MARVELD2: variants seen among roughly 807,000 people sequenced by gnomAD.
MARVELD2 encodes MARVEL domain containing 2, also known as MARVEL domain-containing protein 2.
Under a neutral mutation model 57.6 loss-of-function variants are expected in MARVELD2, and 49 were observed. The ratio of observed to expected loss-of-function variants is 0.85; its 90% CI spans 0.68 to 1.08. The LOEUF (loss-of-function observed/expected upper bound fraction) is 1.08, where lower values mean the gene tolerates loss of function less well. MARVELD2 is among the 50% of genes least tolerant of loss of function. The pLI is 0.00. For missense variants in MARVELD2, 606 were observed against 701.1 expected (o/e 0.86, Z 1.53); for synonymous variants, 238 against 258.8 (o/e 0.92, Z 0.77).
Position 69,425,174 on chromosome 5 carries a change from CAT to C in MARVELD2, c.1182+540_1182+541del, listed in dbSNP as rs904156232. The stretch of plus-strand genomic sequence containing the variant: ...AAACCAAACACCACATATTCTCACT[CAT>C]AGGTGGGAATTGAACAATGAGATCA... On this transcript the variant is annotated intron_variant, in intron 3 of 6. Transcript: ENST00000325631. Among the ~76,000 whole-genome samples, 4 of 145,434 alleles carry C rather than the reference CAT, an allele frequency of 2.8e-5. No homozygotes were observed. In the Admixed American group the frequency reaches 2.9e-4, roughly 10 times the overall value.
chr5:69,418,481 C>T (rs750401409), intron 1 of MARVELD2, among the ~76,000 whole-genome samples: 2 of 152,172 alleles, frequency 1.3e-5, no homozygotes, highest in Non-Finnish European at 2.9e-5. Context: ...CAGTAAATCA[C>T]CTGAATTGCC....
At chr5:69,421,794 CT>C (rs1409875482) in intron 2 of MARVELD2, among the ~76,000 whole-genome samples, 333 of 132,860 alleles carry the variant, frequency 2.5e-3, no homozygotes, top group Middle Eastern at 4.1e-3. Context: ...TCTTTTCTTT[CT>C]TTTTTTTTTT....
At chr5:69,418,585 T>A (rs1048410576) in intron 1 of MARVELD2, among the ~76,000 whole-genome samples, 3 of 152,130 alleles carry the variant, frequency 2.0e-5, no homozygotes, top group African/African-American at 7.2e-5. Context: ...GAGATTCAAC[T>A]TTTTTACATC....
chr5:69,440,512 A>G lies in MARVELD2; in HGVS notation c.1554+12A>G. The G allele has an allele frequency of 4.3e-6, 6 of 1,385,758 alleles. No homozygotes were observed. Among genetic ancestry groups the G allele is most frequent in the Non-Finnish European group, 5.1e-6 (5 of 976,336 alleles). The allele number at this position is 1,385,758 out of a possible 1,614,324, so 85.8% of individuals were successfully genotyped here. A position where few individuals can be genotyped will look rare whatever the true frequency, so the allele number is the denominator to read the frequency against. The stretch of plus-strand genomic sequence containing the variant: ...AGAAAAAAAAGAATGTGAGTAAAAC[A>G]GTTTTCTTCAAACTGTATTCTTATC... On this transcript the variant is annotated intron_variant, in intron 6 of 6. Transcript: ENST00000325631.
rs540589161 is a variant in MARVELD2 at position 69,425,357 on chromosome 5, C to T, written c.1182+721C>T. On this transcript the variant is annotated intron_variant, in intron 3 of 6. Coordinates refer to ENST00000325631, the MANE Select transcript of MARVELD2 (RefSeq NM_001038603.3). ...CATGTATACATATGTGACTAACCTGCACAATGTGCACATGTTCCCTAAAAC... is the reference window on the plus strand; with the variant it reads ...CATGTATACATATGTGACTAACCTGTACAATGTGCACATGTTCCCTAAAAC... Among the ~76,000 whole-genome samples the T allele has an allele frequency of 1.5e-3, 223 of 148,912 alleles. 2 individuals carry two copies. Among genetic ancestry groups the T allele is most frequent in the African/African-American group, 5.2e-3 (210 of 40,732 alleles).
At chr5:69,420,577 T>A (rs1380337098) in intron 2 of MARVELD2, 46 bp downstream of exon 2, 1 of 1,562,088 alleles carries the variant, frequency 6.4e-7, no homozygotes, top group South Asian at 1.1e-5. Flanking sequence ...TGTTTGTTTT[T>A]TCTGTTATTT....
rs144870558 is a variant in MARVELD2 at position 69,419,970 on chromosome 5, A to G, written c.585A>G (p.Ile195Met). The stretch of plus-strand genomic sequence containing the variant: ...AGTCGTGGGCAGGCCTGCTGAGAAT[A>G]CTGGGTGTGGTGGAGCTGCTTTTGG... ...YMKSWAGLLR[I>M]LGVVELLLGA... Residue 195 changes from isoleucine to methionine, a missense_variant, in exon 2 of 7, where the codon ATA becomes ATG. Physicochemically the swap from Ile to Met is conservative, Grantham distance 10. Coordinates refer to ENST00000325631, the MANE Select transcript of MARVELD2 (RefSeq NM_001038603.3). The G allele has an allele frequency of 5.3e-5, 85 of 1,614,094 alleles. No homozygotes were observed. The African/African-American group carries it at 9.9e-4, about 19-fold the overall frequency.
chr5:69,432,543 G>A lies in MARVELD2; in HGVS notation c.1199G>A (p.Ser400Asn), dbSNP rs1260820599. The A allele has an allele frequency of 6.2e-7, 1 of 1,614,162 alleles. No homozygotes were observed. The highest frequency in any genetic ancestry group is 8.5e-7 in the Non-Finnish European group (1 of 1,180,014). The change falls in exon 4 of 7, where the codon AGT becomes AAT. Residue 400 changes from serine (S) to asparagine (N), a missense_variant. Ser to Asn is a conservative substitution (Grantham distance 46). Transcript: ENST00000325631. ...TAACTGCAGTGTGAAATGGCCACCA[G>A]TGGTGACAGACAAAGAGACTCAGAA... ...SKRKMCEMATSGDRQRDSEVN... is the reference protein window; with the variant it reads ...SKRKMCEMATNGDRQRDSEVN...
chr5:69,419,182 TC>T lies in MARVELD2; in HGVS notation c.-15-186del, dbSNP rs376354984. The T allele has an allele frequency of 6.1e-6, 4 of 657,188 alleles. No individual in the cohort carries two copies. The African/African-American group carries it at 7.2e-5, about 12-fold the overall frequency. The allele number at this position is 657,188 out of a possible 1,614,324, so 40.7% of individuals were successfully genotyped here. A position where few individuals can be genotyped will look rare whatever the true frequency, so the allele number is the denominator to read the frequency against. ...CTGAAATGATCCGTCTGTCTTGGCC[TC>T]CCAAAGTGCTGGGATTACAGGCATG... On this transcript the variant is annotated intron_variant, in intron 1 of 6. Coordinates refer to ENST00000325631, the MANE Select transcript of MARVELD2 (RefSeq NM_001038603.3).
Position 69,419,850 on chromosome 5 carries a change from C to T in MARVELD2, c.465C>T (p.Pro155=). 6.2e-7 allele frequency: 1 copy of T among 1,614,134 alleles called. No homozygotes were observed. Among genetic ancestry groups the T allele is most frequent in the Non-Finnish European group, 8.5e-7 (1 of 1,180,026 alleles). Residue 155 remains proline (P), a synonymous_variant, in exon 2 of 7, where the codon CCC becomes CCT. Coordinates refer to ENST00000325631, the MANE Select transcript of MARVELD2 (RefSeq NM_001038603.3). ...GGAAAGAGGCTGACGCAGTGTTTCC[C>T]CGGGATCCCTATGGATCTCTAGACC... ...SSRKEADAVF[P]RDPYGSLDRH...
Position 69,441,896 on chromosome 5 carries a change from G to T in MARVELD2, c.*242G>T, listed in dbSNP as rs1767340473. 1 of 316,414 alleles carries T rather than the reference G, an allele frequency of 3.2e-6. No homozygotes were observed. The highest frequency in any genetic ancestry group is 5.9e-6 in the Non-Finnish European group (1 of 168,154). The allele number at this position is 316,414 out of a possible 1,614,324, so 19.6% of individuals were successfully genotyped here. A position where few individuals can be genotyped will look rare whatever the true frequency, so the allele number is the denominator to read the frequency against. On this transcript the variant is annotated 3_prime_UTR_variant, in exon 7 of 7. Coordinates refer to ENST00000325631, the MANE Select transcript of MARVELD2 (RefSeq NM_001038603.3). Reference sequence around the variant, plus strand: ...GTAGAGACGAGGTTTCACCATGTTGGTCAGGCTGGGAAACTACTTTTTTTA... The same window carrying T: ...GTAGAGACGAGGTTTCACCATGTTGTTCAGGCTGGGAAACTACTTTTTTTA...
intron 6 of MARVELD2, among the ~76,000 whole-genome samples, chr5:69,441,099 T>C (rs1197662745): frequency 2.0e-5 from 3 of 151,852 alleles, no homozygotes; most frequent in African/African-American, 7.3e-5. Context: ...AAAAAAAAAA[T>C]CAGTAAAGGC....
Position 69,441,535 on chromosome 5 carries a change from C to G in MARVELD2, c.1558C>G (p.Pro520Ala). Reference protein sequence around the residue: ...HEEFKKKKNDPTFLEKKERCD... With the variant: ...HEEFKKKKNDATFLEKKERCD... ...AATACTTATATTTCTTTTACAGGAT[C>G]CTACATTTCTGGAAAAAAAAGAACG... Residue 520 changes from proline to alanine, a missense_variant, in exon 7 of 7, where the codon CCT (proline) becomes GCT (alanine). Pro to Ala is a conservative substitution (Grantham distance 27). Coordinates refer to ENST00000325631, the MANE Select transcript of MARVELD2 (RefSeq NM_001038603.3). The G allele has an allele frequency of 6.2e-7, 1 of 1,610,510 alleles. No individual in the cohort carries two copies. The highest frequency in any genetic ancestry group is 8.5e-7 in the Non-Finnish European group (1 of 1,177,926).
chr5:69,434,459 C>CAAAA (rs78411790), intron 5 of MARVELD2, among the ~76,000 whole-genome samples: 4 of 72,048 alleles, frequency 5.6e-5, no homozygotes, highest in African/African-American at 2.1e-4. Flanking sequence ...ACCATGTCTC[C>CAAAA]AAAAAAAAAA....
At position 69,425,446 on chromosome 5, in the gene MARVELD2, C is replaced by T. The variant is rs1050479541; in HGVS notation, c.1182+810C>T. ...AAAAAAGAAATTGTAGCTGTTACAT[C>T]GAGTTCATATTAGGACTTTGAGCTT... On this transcript the variant is annotated intron_variant, in intron 3 of 6. Transcript: ENST00000325631. 5.4e-5 allele frequency among the ~76,000 whole-genome samples: 8 copies of T among 148,602 alleles called. No individual in the cohort carries two copies. In the South Asian group the frequency reaches 6.3e-4, roughly 12 times the overall value.
At chr5:69,430,671 T>C (rs1766933468) in intron 3 of MARVELD2, among the ~76,000 whole-genome samples, 1 of 151,694 alleles carries the variant, frequency 6.6e-6, no homozygotes, top group Non-Finnish European at 1.5e-5. Context: ...GTAGCTGGGA[T>C]TACAGGCGCA....
rs1461196794 is a variant in MARVELD2 at position 69,421,817 on chromosome 5, A to G, written c.1146+1286A>G. Among the ~76,000 whole-genome samples the G allele has an allele frequency of 2.1e-5, 3 of 144,382 alleles. No homozygotes were observed. The East Asian group carries it at 6.0e-4, about 29-fold the overall frequency. The allele number at this position is 144,382 out of a possible 152,430, so 94.7% of individuals were successfully genotyped here. On this transcript the variant is annotated intron_variant, in intron 2 of 6. Transcript: ENST00000325631. ...TTCTTTTTTTTTTTTTTTTTGAGACAGAGTCTCACTCTGTTGCCAGAGTGC... is the reference window on the plus strand; with the variant it reads ...TTCTTTTTTTTTTTTTTTTTGAGACGGAGTCTCACTCTGTTGCCAGAGTGC...
intron 5 of MARVELD2, among the ~76,000 whole-genome samples, chr5:69,433,878 A>G (rs986596659): frequency 2.0e-5 from 3 of 151,796 alleles, no homozygotes; most frequent in Non-Finnish European, 2.9e-5. Flanking sequence ...GTAACTTAAT[A>G]TCTTTTGTCT....
chr5:69,432,139 G>A (rs1422663207), intron 3 of MARVELD2, among the ~76,000 whole-genome samples: 1 of 151,914 alleles, frequency 6.6e-6, no homozygotes, highest in African/African-American at 2.4e-5. Context: ...GCCTCCCGAG[G>A]AGCTGGGATT....
Sources: allele counts gnomAD v4.1 joint callset (sites outside exome capture counted in the v4.1 genomes callset), GRCh38; gene constraint gnomAD v4.1.1; transcripts MANE v1.5; gene names NCBI Gene and HGNC (gene_info 2026-07-23, HGNC 2026-07-21).